Variants in RIMS2 observed in about 807,000 individuals in gnomAD.
RIMS2 encodes the protein regulating synaptic membrane exocytosis protein 2.
A neutral mutation model predicts 174.4 loss-of-function variants in RIMS2; 59 were observed. The observed-to-expected ratio is 0.34, with a 90% CI of 0.27 to 0.42. The LOEUF is 0.42. Among genes scored for constraint, RIMS2 ranks in the 10% least tolerant of loss-of-function variants. The pLI is 1.00. For synonymous variants in RIMS2, 606 were observed against 572.5 expected (o/e 1.06, Z -0.84); for missense variants, 1,620 against 1,666.3 (o/e 0.97, Z 0.48).
At chr8:103,932,630 T>C (rs1002142873) in intron 12 of RIMS2, among the ~76,000 whole-genome samples, 3 of 152,236 alleles carry the variant, frequency 2.0e-5, no homozygotes, top group Non-Finnish European at 4.4e-5. Context: ...TTCTACTTAC[T>C]CAAAATTTTG....
At position 103,709,480 on chromosome 8, in the gene RIMS2, G is replaced by A. The variant is rs559374357; in HGVS notation, c.387+12184G>A. On this transcript the variant is annotated intron_variant, in intron 2 of 23. Coordinates refer to ENST00000504942, the Ensembl canonical transcript of RIMS2. ...GCTTTCAGATGTAGTTAAGTTACAT[G>A]GAAACAGTTTGATACTTTTACACAT... 2.2e-4 allele frequency among the ~76,000 whole-genome samples: 33 copies of A among 151,514 alleles called. No homozygotes were observed. The South Asian group carries it at 5.0e-3, about 23-fold the overall frequency.
At chr8:103,906,056 A>G (rs1482016930) in intron 4 of RIMS2, among the ~76,000 whole-genome samples, 3 of 152,102 alleles carry the variant, frequency 2.0e-5, no homozygotes, top group Non-Finnish European at 4.4e-5. Context: ...TGTACTATTA[A>G]GCTGCAAAAA....
intron 18 of RIMS2, among the ~76,000 whole-genome samples, 185 bp from the exon 21 acceptor site, chr8:104,014,321 A>C (rs557624131): frequency 3.9e-5 from 6 of 152,326 alleles, no homozygotes; most frequent in African/African-American, 1.4e-4. Context: ...ATTACACCAA[A>C]AATAAACATC....
At chr8:103,774,008 G>A (rs1203242905) in intron 3 of RIMS2, among the ~76,000 whole-genome samples, 3 of 152,076 alleles carry the variant, frequency 2.0e-5, no homozygotes, top group African/African-American at 7.2e-5. Flanking sequence ...TGGACGCAGT[G>A]GCACATGCCT....
chr8:103,742,058 T>C (rs965537579), intron 2 of RIMS2, among the ~76,000 whole-genome samples: 1 of 152,084 alleles, frequency 6.6e-6, no homozygotes, highest in African/African-American at 2.4e-5. Flanking sequence ...CCCATGTTAA[T>C]GGTAGCATCT....
At chr8:104,154,329 T>C (rs376951524) in intron 19 of RIMS2, among the ~76,000 whole-genome samples, 8 of 152,326 alleles carry the variant, frequency 5.3e-5, no homozygotes, top group African/African-American at 1.9e-4. Flanking sequence ...CTTTTGGCAG[T>C]GATGGCAATC....
chr8:103,885,927 T>C (rs754141552), exon 4 of RIMS2: 11 of 1,612,734 alleles, frequency 6.8e-6, no homozygotes, highest in East Asian at 2.2e-5. Flanking sequence ...CCACTACCCA[T>C]AGATAGACCA....
chr8:103,810,657 G>A (rs1415741201), intron 3 of RIMS2, among the ~76,000 whole-genome samples: 1 of 152,044 alleles, frequency 6.6e-6, no homozygotes, highest in Non-Finnish European at 1.5e-5. Context: ...ATACTAAAAA[G>A]GTTACTTTAC....
intron 1 of RIMS2, among the ~76,000 whole-genome samples, chr8:103,611,152 GT>G (rs2095354863): frequency 6.6e-6 from 1 of 151,754 alleles, no homozygotes; most frequent in Non-Finnish European, 1.5e-5. Context: ...TTTTTGTTTT[GT>G]TTTGTTTTGT....
At chr8:103,876,631 A>G (rs1594353628) in intron 3 of RIMS2, among the ~76,000 whole-genome samples, 2 of 150,218 alleles carry the variant, frequency 1.3e-5, no homozygotes, top group East Asian at 4.0e-4. Flanking sequence ...CCCAAAGTCC[A>G]TCATCCTCAT....
intron 1 of RIMS2, among the ~76,000 whole-genome samples, chr8:103,601,666 T>A: frequency 6.6e-6 from 1 of 152,176 alleles, no homozygotes; most frequent in East Asian, 1.9e-4. Flanking sequence ...TTTATATTGT[T>A]ATTATTGATG....
chr8:103,890,969 GCCTCTA>G (rs2099241256), intron 4 of RIMS2, among the ~76,000 whole-genome samples: 1 of 151,650 alleles, frequency 6.6e-6, no homozygotes, highest in Non-Finnish European at 1.5e-5. Flanking sequence ...AGCATCCCTG[GCCTCTA>G]CCTACTAGAT....
chr8:103,864,685 T>C (rs1391312724), intron 3 of RIMS2, among the ~76,000 whole-genome samples: 2 of 152,206 alleles, frequency 1.3e-5, no homozygotes, highest in African/African-American at 4.8e-5. Context: ...ACATATATTA[T>C]CTCATTTAAT....
intron 1 of RIMS2, among the ~76,000 whole-genome samples, chr8:103,552,785 G>A (rs1288558725): frequency 6.6e-6 from 1 of 152,134 alleles, no homozygotes; most frequent in Non-Finnish European, 1.5e-5. Context: ...AGTGGGCAAA[G>A]GATATGAACA....
At chr8:104,110,181 A>G (rs150986387) in intron 19 of RIMS2, among the ~76,000 whole-genome samples, 3 of 152,288 alleles carry the variant, frequency 2.0e-5, no homozygotes, top group Non-Finnish European at 4.4e-5. Flanking sequence ...TGGAAAACTG[A>G]TGTTATAAGA....
intron 2 of RIMS2, among the ~76,000 whole-genome samples, chr8:103,754,158 C>T (rs533963861): frequency 1.3e-5 from 2 of 152,148 alleles, no homozygotes; most frequent in East Asian, 3.9e-4. Flanking sequence ...CAAAGAACAT[C>T]TTTATTTCTG....
chr8:103,877,511 C>G (rs1477693296), intron 3 of RIMS2, among the ~76,000 whole-genome samples: 1 of 151,800 alleles, frequency 6.6e-6, no homozygotes, highest in Non-Finnish European at 1.5e-5. Context: ...TCTGTTTACT[C>G]TGCTGCTCAG....
chr8:103,887,309 A>C (rs1049938218), intron 4 of RIMS2, among the ~76,000 whole-genome samples: 1 of 151,118 alleles, frequency 6.6e-6, no homozygotes, highest in Admixed American at 6.6e-5. Flanking sequence ...TTAGGATTTT[A>C]CCCCATTTAA....
intron 19 of RIMS2, among the ~76,000 whole-genome samples, chr8:104,215,132 G>A (rs1420207111): frequency 6.6e-6 from 1 of 152,068 alleles, no homozygotes; most frequent in Non-Finnish European, 1.5e-5. Context: ...AGACAGTTAA[G>A]CAAAAAATCT....
Sources: allele counts gnomAD v4.1 joint callset (sites outside exome capture counted in the v4.1 genomes callset), GRCh38; gene constraint gnomAD v4.1.1; transcripts MANE v1.5; gene names NCBI Gene and HGNC (gene_info 2026-07-23, HGNC 2026-07-21).